Variants in PXN observed in about 807,000 individuals in gnomAD.
PXN encodes the protein paxillin, also known as testicular tissue protein Li 134.
PXN carries 61 observed loss-of-function variants against 103.6 expected under a neutral mutation model. The observed-to-expected ratio is 0.59, with a 90% CI of 0.48 to 0.73. The LOEUF (loss-of-function observed/expected upper bound fraction) is 0.73. PXN is among the 30% of genes least tolerant of loss of function. PXN has a pLI of 0.00. For missense variants in PXN, 1,274 were observed against 1,460.3 expected (o/e 0.87, Z 2.08); for synonymous variants, 562 against 607.8 (o/e 0.92, Z 1.11).
intron 1 of PXN, among the ~76,000 whole-genome samples, chr12:120,257,955 G>A (rs1033063029): frequency 2.0e-5 from 3 of 152,162 alleles, no homozygotes; most frequent in Admixed American, 2.0e-4. Context: ...CACTTTGGGA[G>A]GCCAAGGCGG....
Position 120,221,522 on chromosome 12 carries a change from A to G in PXN, c.831+101T>C. On this transcript the variant is annotated intron_variant, in intron 6 of 14. Transcript: ENST00000637617. The surrounding 1 kb of genome is among the most constrained non-coding windows in gnomAD (Gnocchi z 6.6). ...CCCTGGCTCAGGGGCAAGGCACCCA[A>G]ACACTGAGATGCCAAGATCCAGCTA... is the stretch of plus-strand genomic sequence containing the variant. 7.3e-7 allele frequency: 1 copy of G among 1,365,328 alleles called. No individual in the cohort carries two copies. The highest frequency in any genetic ancestry group is 1.4e-5 in the African/African-American group (1 of 69,774). The allele number at this position is 1,365,328 out of a possible 1,614,324, so 84.6% of individuals were successfully genotyped here.
chr12:120,217,130 G>A lies in PXN; in HGVS notation c.1717-14C>T. On this transcript the variant is annotated splice_polypyrimidine_tract_variant and intron_variant, in intron 7 of 14. Coordinates refer to ENST00000637617, the MANE Select transcript of PXN (RefSeq NM_001385981.1). This position sits in a 1 kb window ranked among gnomAD's most constrained non-coding sequence, Gnocchi z 4.1. ...CACAGATCGGATCTAGGGGGAGGGG[G>A]AGGGGAGGCTGTCACCGTCCCACTC... is the stretch of plus-strand genomic sequence containing the variant. The A allele has an allele frequency of 1.9e-6, 3 of 1,568,262 alleles. No individual in the cohort carries two copies. The highest frequency in any genetic ancestry group is 2.6e-6 in the Non-Finnish European group (3 of 1,163,342).
chr12:120,215,574 G>A lies in PXN; in HGVS notation c.2389C>T (p.Gln797Ter). 6.3e-7 allele frequency: 1 copy of A among 1,598,752 alleles called. No individual in the cohort carries two copies. Among genetic ancestry groups the A allele is most frequent in the Non-Finnish European group, 8.5e-7 (1 of 1,173,962 alleles). Residue 797 changes from glutamine to a stop codon, truncating the protein, a stop_gained, in exon 10 of 15, where the codon CAG becomes TAG. Transcript: ENST00000637617. LOFTEE classifies it high-confidence loss of function. The surrounding 1 kb of genome is among the most constrained non-coding windows in gnomAD (Gnocchi z 4.9). The stretch of plus-strand genomic sequence containing the variant: ...TTGGCACTGACCCCTCCCTCGTCCT[G>A]CCCTCCGGGGCTGCTCCGCCCGCCG... ...RDGGRSSPGG[Q>*]DEGGFMAQGK...
chr12:120,221,898 G>T lies in PXN; in HGVS notation c.696-140C>A. 7.7e-7 allele frequency: 1 copy of T among 1,304,570 alleles called. No homozygotes were observed. The highest frequency in any genetic ancestry group is 1.0e-6 in the Non-Finnish European group (1 of 978,150). 80.8% of individuals were successfully genotyped at this position (1,304,570 alleles called of 1,614,324 possible). A position where few individuals can be genotyped will look rare whatever the true frequency, so the allele number is the denominator to read the frequency against. ...GGTCCACCAGCTCCCTGTCTCTCCT[G>T]GGGACCCATCACTGGGTCAGAAGAA... is the stretch of plus-strand genomic sequence containing the variant. On this transcript the variant is annotated intron_variant, in intron 5 of 14. Coordinates refer to ENST00000637617, the MANE Select transcript of PXN (RefSeq NM_001385981.1). This position sits in a 1 kb window ranked among gnomAD's most constrained non-coding sequence, Gnocchi z 6.6.
At position 120,214,046 on chromosome 12, in the gene PXN, ACTCTGACTCCAAC is replaced by A; in HGVS notation, c.2831-69_2831-57del. 2 of 1,593,068 alleles carry A rather than the reference ACTCTGACTCCAAC, an allele frequency of 1.3e-6. No homozygotes were observed. Among genetic ancestry groups the A allele is most frequent in the South Asian group, 2.3e-5 (2 of 87,462 alleles). Reference sequence around the variant, plus strand: ...CATTCCGGCTTCCAGAAGTGGAGCCACTCTGACTCCAACCTCAGCAGCGTCTCCCACCCCCACC... The same window carrying A: ...CATTCCGGCTTCCAGAAGTGGAGCCACTCAGCAGCGTCTCCCACCCCCACC... On this transcript the variant is annotated intron_variant, in intron 13 of 14. Transcript: ENST00000637617. The surrounding 1 kb of genome is among the most constrained non-coding windows in gnomAD (Gnocchi z 5.0).
chr12:120,230,738 C>T (rs1362439880), intron 1 of PXN, among the ~76,000 whole-genome samples: 1 of 151,870 alleles, frequency 6.6e-6, no homozygotes, highest in African/African-American at 2.4e-5. Flanking sequence ...TGAGTAAGTC[C>T]CCAGGAATGG....
At chr12:120,251,630 A>G (rs1203278787) in intron 1 of PXN, among the ~76,000 whole-genome samples, 1 of 152,060 alleles carries the variant, frequency 6.6e-6, no homozygotes, top group Non-Finnish European at 1.5e-5. Flanking sequence ...CAGCCTGGCC[A>G]ACATGGTGAA....
chr12:120,247,918 A>G (rs184082318), intron 1 of PXN: 1 of 152,376 alleles, frequency 6.6e-6, no homozygotes, highest in East Asian at 1.9e-4. Context: ...AGAGGTAAAG[A>G]GGGACATTTC....
chr12:120,219,610 G>T lies in PXN; in HGVS notation c.1313C>A (p.Pro438Gln). ...AGGCCCGAATACCTCCGAAGCCCAT[G>T]GCTGCTCCCATGTGGCAGCCAAGGC... The part of the protein sequence containing the change: ...EEALAATWEQ[P>Q]WASEVFGPER... Residue 438 changes from proline (P) to glutamine (Q), a missense_variant, in exon 7 of 15, where the codon CCA (proline) becomes CAA (glutamine). Pro to Gln is a moderately conservative substitution (Grantham distance 76, BLOSUM62 -1). Around this residue, in one of 2 missense-constraint regions of PXN, gnomAD observed 1,178 missense variants for 1,309.0 expected, o/e 0.90. Transcript: ENST00000637617. The surrounding 1 kb of genome is among the most constrained non-coding windows in gnomAD (Gnocchi z 6.5). 6.4e-7 allele frequency: 1 copy of T among 1,567,068 alleles called. No homozygotes were observed. Among genetic ancestry groups the T allele is most frequent in the South Asian group, 1.1e-5 (1 of 87,742 alleles).
At position 120,224,117 on chromosome 12, in the gene PXN, T is replaced by G; in HGVS notation, c.240+34A>C. On this transcript the variant is annotated intron_variant, in intron 2 of 14. Transcript: ENST00000637617. This position sits in a 1 kb window ranked among gnomAD's most constrained non-coding sequence, Gnocchi z 5.0. ...GCTAAGTTCCCTCTGTCCCCCAGCC[T>G]CCTTGGCCTTCCCAGCCACTGTCCC... 6.8e-7 allele frequency: 1 copy of G among 1,478,640 alleles called. No homozygotes were observed. The highest frequency in any genetic ancestry group is 9.1e-7 in the Non-Finnish European group (1 of 1,094,784). 91.6% of individuals were successfully genotyped at this position (1,478,640 alleles called of 1,614,324 possible).
intron 1 of PXN, among the ~76,000 whole-genome samples, chr12:120,253,795 C>T (rs1428895840): frequency 1.3e-5 from 2 of 152,186 alleles, no homozygotes; most frequent in Non-Finnish European, 2.9e-5. Context: ...CATGGAAGGA[C>T]GTGCTAAGTA....
chr12:120,260,166 A>G (rs1318174546), intron 1 of PXN, among the ~76,000 whole-genome samples: 1 of 152,170 alleles, frequency 6.6e-6, no homozygotes, highest in East Asian at 1.9e-4. Context: ...CTGGAACAGG[A>G]GACACTCCCC....
At chr12:120,243,682 T>C (rs1890543708) in intron 1 of PXN, among the ~76,000 whole-genome samples, 2 of 151,948 alleles carry the variant, frequency 1.3e-5, no homozygotes, top group Admixed American at 1.3e-4. Context: ...AACAGAGAAA[T>C]CCTATCTCTT....
At position 120,212,218 on chromosome 12, in the gene PXN, C is replaced by A; in HGVS notation, c.*96G>T. On this transcript the variant is annotated 3_prime_UTR_variant, in exon 15 of 15. Coordinates refer to ENST00000637617, the MANE Select transcript of PXN (RefSeq NM_001385981.1). The surrounding 1 kb of genome is among the most constrained non-coding windows in gnomAD (Gnocchi z 7.2). Reference sequence around the variant, plus strand: ...GGAGGACAAGGGTTCCAGTTTCAGTCGGGTTTACCCCTTCACCCCCGGGTG... The same window carrying A: ...GGAGGACAAGGGTTCCAGTTTCAGTAGGGTTTACCCCTTCACCCCCGGGTG... 1.3e-6 allele frequency: 2 copies of A among 1,490,714 alleles called. No homozygotes were observed. Among genetic ancestry groups the A allele is most frequent in the Non-Finnish European group, 1.8e-6 (2 of 1,109,282 alleles). The allele number at this position is 1,490,714 out of a possible 1,614,324, so 92.3% of individuals were successfully genotyped here.
rs759270858 is a variant in PXN, at chr12:120,213,943, C to T, written c.2878G>A (p.Asp960Asn). 15 of 1,612,372 alleles carry T rather than the reference C, an allele frequency of 9.3e-6. No homozygotes were observed. The highest frequency in any genetic ancestry group is 1.6e-4 in the Middle Eastern group (1 of 6,082). The change falls in exon 14 of 15, where the codon GAC (aspartate) becomes AAC (asparagine). Residue 960 changes from aspartate (D) to asparagine (N), a missense_variant. By Grantham distance (23) the Asp-to-Asn change is conservative. This residue lies in a region of PXN where 1,178 missense variants were observed against 1,309.0 expected (regional missense o/e 0.90). Coordinates refer to ENST00000637617, the MANE Select transcript of PXN (RefSeq NM_001385981.1). This position sits in a 1 kb window ranked among gnomAD's most constrained non-coding sequence, Gnocchi z 4.2. ...GKAYCRKDYF[D>N]MFAPKCGGCA... ...CCGCCACACTTGGGTGCGAACATGT[C>T]GAAGTAGTCCTTGCGACAGTAGGCC...
At position 120,219,240 on chromosome 12, in the gene PXN, G is replaced by C. The variant is rs774068015; in HGVS notation, c.1683C>G (p.Pro561=). The change falls in exon 7 of 15, where the codon CCC becomes CCG. Residue 561 remains proline (P), a synonymous_variant. Transcript: ENST00000637617. The surrounding 1 kb of genome is among the most constrained non-coding windows in gnomAD (Gnocchi z 6.5). ...AGGTGGAAATCCTCTCCGTGGTGCTGGGTGTGCCCATGGCCATGGCACATG... is the reference window on the plus strand; with the variant it reads ...AGGTGGAAATCCTCTCCGTGGTGCTCGGTGTGCCCATGGCCATGGCACATG... ...ELPCAMAMGT[P]STTERISTSG... 1.3e-6 allele frequency: 2 copies of C among 1,594,116 alleles called. No homozygotes were observed. The highest frequency in any genetic ancestry group is 2.2e-5 in the South Asian group (2 of 90,876).
intron 1 of PXN, among the ~76,000 whole-genome samples, chr12:120,256,629 T>C (rs145571842): frequency 8.7e-4 from 133 of 152,280 alleles, no homozygotes; most frequent in Non-Finnish European, 1.7e-3. Flanking sequence ...CTGTCTACTA[T>C]GTGCTAAGCA....
chr12:120,240,399 T>G (rs1201328817), intron 1 of PXN, among the ~76,000 whole-genome samples: 1 of 152,144 alleles, frequency 6.6e-6, no homozygotes, highest in African/African-American at 2.4e-5. Context: ...AGGTGTCAGT[T>G]AGGTAGTCTG....
In PXN at chr12:120,219,194, A is replaced by T; in HGVS notation, c.1716+13T>A. The T allele has an allele frequency of 6.4e-7, 1 of 1,551,128 alleles. No individual in the cohort carries two copies. The highest frequency in any genetic ancestry group is 1.2e-5 in the South Asian group (1 of 85,798). On this transcript the variant is annotated intron_variant, in intron 7 of 14. Coordinates refer to ENST00000637617, the MANE Select transcript of PXN (RefSeq NM_001385981.1). The surrounding 1 kb of genome is among the most constrained non-coding windows in gnomAD (Gnocchi z 6.5). Reference sequence around the variant, plus strand: ...AATGGCCATGCCCAGCAGCCATGCGAGCTGGTGCCTGCCTGGCCAGAGGTG... The same window carrying T: ...AATGGCCATGCCCAGCAGCCATGCGTGCTGGTGCCTGCCTGGCCAGAGGTG...
Sources: allele counts gnomAD v4.1 joint callset (sites outside exome capture counted in the v4.1 genomes callset), GRCh38; gene constraint gnomAD v4.1.1; regional missense constraint gnomAD v4.1.1; non-coding constraint Gnocchi (gnomAD v3.1); transcripts MANE v1.5; gene names NCBI Gene and HGNC (gene_info 2026-07-23, HGNC 2026-07-21).